COL6A6: variants seen among roughly 807,000 people sequenced by gnomAD.
COL6A6 encodes collagen type VI alpha 6 chain, also known as collagen alpha-6(VI) chain.
In COL6A6, 183 loss-of-function variants were observed where a neutral mutation model predicts 208.6. The ratio of observed to expected loss-of-function variants is 0.88; its 90% CI spans 0.78 to 0.99. The LOEUF is 0.99. Ranked by LOEUF, COL6A6 falls within the 50% of genes least tolerant of loss-of-function variation. The probability of loss-of-function intolerance (pLI) is 0.00; values close to 1 mark genes in which losing one functional copy is unlikely to be tolerated. For missense variants in COL6A6, 2,816 were observed against 2,815.2 expected, an observed-to-expected ratio of 1.00 and a Z score of -0.01; for synonymous variants, 973 against 1,011.8, an observed-to-expected ratio of 0.96 and a Z score of 0.73.
rs764656876 is a variant in COL6A6 at position 130,591,040 on chromosome 3, G to C, written c.4219-1G>C. On this transcript the variant is annotated splice_acceptor_variant, in intron 12 of 36. Coordinates refer to ENST00000358511, the MANE Select transcript of COL6A6 (RefSeq NM_001102608.3). LOFTEE classifies it high-confidence loss of function. ...TGTTTTCTTCCTTTTCTTATTTCCA[G>C]GGACCTCCAGGTTTTAAAGGCAGTG... The C allele has an allele frequency of 6.4e-7, 1 of 1,573,962 alleles. No homozygotes were observed. The highest frequency in any genetic ancestry group is 1.2e-5 in the South Asian group (1 of 85,644).
intron 19 of COL6A6, among the ~76,000 whole-genome samples, chr3:130,598,936 C>G (rs907053690): frequency 9.9e-5 from 15 of 152,182 alleles, no homozygotes; most frequent in Non-Finnish European, 1.6e-4. Flanking sequence ...AAATAGTTGT[C>G]TAAAAAATGC....
At chr3:130,570,678 C>G in intron 6 of COL6A6, 140 bp from the exon 7 acceptor site, 1 of 645,454 alleles carries the variant, frequency 1.5e-6, no homozygotes, top group Non-Finnish European at 2.7e-6. Flanking sequence ...GTATTGTCCT[C>G]TTATCCAGGG....
intron 1 of COL6A6, among the ~76,000 whole-genome samples, chr3:130,558,489 A>G (rs1273892378): frequency 6.6e-6 from 1 of 152,230 alleles, no homozygotes; most frequent in Non-Finnish European, 1.5e-5. Context: ...CTTTTGAGTA[A>G]ATACTAGAGG....
chr3:130,604,355 C>T lies in COL6A6; in HGVS notation c.4654-2576C>T, dbSNP rs530247370. Among the ~76,000 whole-genome samples the T allele has an allele frequency of 3.4e-3, 522 of 152,120 alleles. 4 individuals carry two copies. The highest frequency in any genetic ancestry group is 0.012 in the African/African-American group (486 of 41,514). On this transcript the variant is annotated intron_variant, in intron 20 of 36. Transcript: ENST00000358511. ...AAAAATACAAAAAAAATTAGCCGGG[C>T]GTGGTGGCGGGCGCCTGTAGTCCCA...
chr3:130,640,948 T>C lies in COL6A6; in HGVS notation c.5092-704T>C, dbSNP rs558156192. Among the ~76,000 whole-genome samples the C allele has an allele frequency of 5.3e-5, 8 of 152,358 alleles. 1 individual carries two copies. The South Asian group carries it at 1.7e-3, about 32-fold the overall frequency. The stretch of plus-strand genomic sequence containing the variant: ...TGACCAGCAATTCTAGTCCTAGCAA[T>C]CTTCCCTAAGGAAATAATCAGAATT... On this transcript the variant is annotated intron_variant, in intron 28 of 36. Transcript: ENST00000358511.
Position 130,634,616 on chromosome 3 carries a change from T to C in COL6A6, c.5019T>C (p.Ser1673=). Residue 1673 remains serine, a synonymous_variant, in exon 27 of 37, where the codon AGT becomes AGC. Transcript: ENST00000358511. ...AKGQEGFPGE[S]GPKGEIGDPG... ...GACAAGAAGGATTCCCTGGAGAAAG[T>C]GGACCTAAGGTACCGTGTGCTTCCT... 6.2e-7 allele frequency: 1 copy of C among 1,607,894 alleles called. No homozygotes were observed. The highest frequency in any genetic ancestry group is 8.5e-7 in the Non-Finnish European group (1 of 1,176,894).
chr3:130,599,646 C>T (rs757188951), intron 19 of COL6A6, 111 bp from the exon 20 acceptor site: 1 of 1,006,216 alleles, frequency 9.9e-7, no homozygotes, highest in South Asian at 1.4e-5. Flanking sequence ...AGGTAACTCT[C>T]TCATTGGTGT....
chr3:130,616,909 T>A (rs1038294443), intron 23 of COL6A6, among the ~76,000 whole-genome samples: 23 of 152,166 alleles, frequency 1.5e-4, no homozygotes, highest in Admixed American at 1.5e-3. Context: ...GCTACCTCAT[T>A]GGATTGTTGT....
intron 2 of COL6A6, among the ~76,000 whole-genome samples, chr3:130,562,668 G>A (rs2062919735): frequency 6.6e-6 from 1 of 151,974 alleles, no homozygotes; most frequent in South Asian, 2.1e-4. Flanking sequence ...TTTTTATCTA[G>A]TTGACATAGT....
At chr3:130,661,541 C>A in intron 34 of COL6A6, 96 bp from the exon 35 acceptor site, 1 of 952,418 alleles carries the variant, frequency 1.0e-6, no homozygotes, top group Non-Finnish European at 1.6e-6. Context: ...ATTTTAACAT[C>A]AAAGACTATG....
In COL6A6 at chr3:130,565,525, C is replaced by T. The variant is rs547523404; in HGVS notation, c.1193C>T (p.Ala398Val). 84 of 1,613,994 alleles carry T rather than the reference C, an allele frequency of 5.2e-5. 1 individual carries two copies. The South Asian group carries it at 8.2e-4, about 16-fold the overall frequency. ...CTGAAGACCTTCGCTGACCTGGCTGCTCACAACCAGACATTTCTGAAGAAG... is the reference window on the plus strand; with the variant it reads ...CTGAAGACCTTCGCTGACCTGGCTGTTCACAACCAGACATTTCTGAAGAAG... ...SKLKTFADLA[A>V]HNQTFLKKLR... The change falls in exon 4 of 37, where the codon GCT becomes GTT. Residue 398 changes from alanine to valine, a missense_variant. Coordinates refer to ENST00000358511, the MANE Select transcript of COL6A6 (RefSeq NM_001102608.3).
chr3:130,573,153 A>G (rs1433936786), intron 7 of COL6A6, among the ~76,000 whole-genome samples: 1 of 152,278 alleles, frequency 6.6e-6, no homozygotes, highest in African/African-American at 2.4e-5. Context: ...CCTCTTCTCA[A>G]TATGCCCTAA....
chr3:130,635,452 A>G (rs1255843269), intron 27 of COL6A6, among the ~76,000 whole-genome samples: 2 of 152,200 alleles, frequency 1.3e-5, no homozygotes, highest in Non-Finnish European at 2.9e-5. Flanking sequence ...AAAATAAAGA[A>G]CAAAGTTCAT....
intron 1 of COL6A6, among the ~76,000 whole-genome samples, chr3:130,536,369 T>C (rs1385484114): frequency 6.6e-6 from 1 of 152,236 alleles, no homozygotes; most frequent in African/African-American, 2.4e-5. Flanking sequence ...GGTCAGGCAC[T>C]GTTCCAGACT....
At chr3:130,613,572 A>G (rs568732882) in intron 23 of COL6A6, among the ~76,000 whole-genome samples, 21 of 152,256 alleles carry the variant, frequency 1.4e-4, no homozygotes, top group African/African-American at 4.8e-4. Context: ...AGTTTGATGG[A>G]AATAGCATTC....
chr3:130,586,447 C>T (rs1220754155), intron 10 of COL6A6, 59 bp from the exon 11 acceptor site: 1 of 1,498,756 alleles, frequency 6.7e-7, no homozygotes, highest in Non-Finnish European at 9.0e-7. Flanking sequence ...AATATGCTTG[C>T]AAAAAACTAA....
chr3:130,592,267 ATATGT>A (rs1278813773), intron 13 of COL6A6, among the ~76,000 whole-genome samples: 1 of 152,154 alleles, frequency 6.6e-6, no homozygotes, highest in African/African-American at 2.4e-5. Flanking sequence ...GTATGACTAG[ATATGT>A]TAAGAAGGTT....
chr3:130,526,641 G>T (rs1211339067), intron 1 of COL6A6, among the ~76,000 whole-genome samples: 1 of 152,162 alleles, frequency 6.6e-6, no homozygotes, highest in Non-Finnish European at 1.5e-5. Context: ...GTGCAAAGTG[G>T]TTACATTTAA....
intron 33 of COL6A6, among the ~76,000 whole-genome samples, chr3:130,652,846 C>T (rs1401754162): frequency 6.6e-6 from 1 of 152,210 alleles, no homozygotes; most frequent in Non-Finnish European, 1.5e-5. Context: ...TTCATACCTA[C>T]CAAGGCTTTT....
Sources: gnomAD v4.1 joint callset for allele counts (sites outside exome capture counted in the v4.1 genomes callset) on GRCh38, gnomAD v4.1.1 for gene constraint, MANE v1.5 for transcripts, NCBI Gene and HGNC (gene_info 2026-07-23, HGNC 2026-07-21) for gene names.